The following ZFR variants were observed in gnomAD, a reference collection of about 807,000 sequenced individuals.
ZFR encodes the protein zinc finger RNA binding protein.
A neutral mutation model predicts 130.7 loss-of-function variants in ZFR; 19 were observed. The observed-to-expected ratio is 0.15, with a 90% confidence interval of 0.10 to 0.21. ZFR has a LOEUF of 0.21. Among genes scored for constraint, ZFR ranks in the 10% least tolerant of loss-of-function variants. ZFR has a pLI of 1.00. For synonymous variants in ZFR, 466 were observed against 456.9 expected (o/e 1.02, Z -0.25); for missense variants, 872 against 1,321.5 (o/e 0.66, Z 5.27).
At chr5:32,408,104 C>T (rs1007927528) in intron 5 of ZFR, among the ~76,000 whole-genome samples, 9 of 152,048 alleles carry the variant, frequency 5.9e-5, no homozygotes, top group Non-Finnish European at 1.3e-4. Flanking sequence ...ATTAGTTTTA[C>T]ACTACCTATG....
At chr5:32,426,491 A>G (rs555931166) in intron 2 of ZFR, among the ~76,000 whole-genome samples, 17 of 152,236 alleles carry the variant, frequency 1.1e-4, no homozygotes, top group Non-Finnish European at 2.1e-4. Context: ...ACTCGATGAC[A>G]CACTGAAAGC....
At chr5:32,436,028 C>A (rs1271521975) in intron 2 of ZFR, among the ~76,000 whole-genome samples, 1 of 152,056 alleles carries the variant, frequency 6.6e-6, no homozygotes, top group Non-Finnish European at 1.5e-5. Flanking sequence ...AAGCTGACGA[C>A]CTTGCTATCA....
intron 15 of ZFR, among the ~76,000 whole-genome samples, chr5:32,380,749 A>C (rs1168392841): frequency 6.7e-6 from 1 of 148,356 alleles, no homozygotes. Context: ...CCTGGGTTCA[A>C]GCGATTCTCC....
chr5:32,444,462 C>T, intron 1 of ZFR, 134 bp from the exon 2 acceptor site: 1 of 1,284,568 alleles, frequency 7.8e-7, no homozygotes. Context: ...GCCGCGGCCG[C>T]GCCGCCTCCC....
chr5:32,370,329 GAGAGAGAGAGAGAGAGAGAGAGAGAC>G (rs200038127), intron 17 of ZFR, among the ~76,000 whole-genome samples: 58,393 of 110,816 alleles, frequency 0.53, 11,493 homozygotes, highest in East Asian at 0.57. Flanking sequence ...GAGAGAGAGA[GAGAGAGAGAGAGAGAGAGAGAGAGAC>G]AGACAGACAG....
At chr5:32,370,353 G>GAGAGAGAC (rs1445533251) in intron 17 of ZFR, among the ~76,000 whole-genome samples, 19 of 1,380 alleles carry the variant, frequency 0.014, no homozygotes, top group East Asian at 0.12. Flanking sequence ...GAGAGAGAGA[G>GAGAGAGAC]ACAGACAGAC....
rs869249272 is a variant in ZFR at position 32,438,253 on chromosome 5, A to ATTTTTTTTTTTTTTT, written c.137+5961_137+5975dup. 3.3e-3 allele frequency among the ~76,000 whole-genome samples: 203 copies of ATTTTTTTTTTTTTTT among 61,042 alleles called. 29 individuals are homozygous for ATTTTTTTTTTTTTTT. Among genetic ancestry groups the ATTTTTTTTTTTTTTT allele is most frequent in the Middle Eastern group, 9.6e-3 (1 of 104 alleles). 40.0% of individuals were successfully genotyped at this position (61,042 alleles called of 152,430 possible). A position where few individuals can be genotyped will look rare whatever the true frequency, so the allele number is the denominator to read the frequency against. The stretch of plus-strand genomic sequence containing the variant: ...AGAATGCTACTGATTTTATCTGAAA[A>ATTTTTTTTTTTTTTT]TTTTTTTTTTTTTTTTTTTTTTTTT... On this transcript the variant is annotated intron_variant, in intron 2 of 19. Coordinates refer to ENST00000265069, the MANE Select transcript of ZFR (RefSeq NM_016107.5).
At chr5:32,406,685 T>C (rs982353844) in intron 6 of ZFR, 89 bp downstream of exon 6, 78 of 1,453,188 alleles carry the variant, frequency 5.4e-5, no homozygotes, top group Non-Finnish European at 7.1e-5. Context: ...GGAAAAAATG[T>C]AAACCTCTTT....
In ZFR at chr5:32,401,894, G is replaced by A. The variant is rs142994759; in HGVS notation, c.1516+1212C>T. On this transcript the variant is annotated intron_variant, in intron 8 of 19. Coordinates refer to ENST00000265069, the MANE Select transcript of ZFR (RefSeq NM_016107.5). ...AAACAAGACTAGGTAAACAGCTGGA[G>A]AAGGCAATAAAAACAAAGAAATAAT... Among the ~76,000 whole-genome samples the A allele has an allele frequency of 5.1e-4, 78 of 152,306 alleles. 2 individuals carry two copies. In the East Asian group the frequency reaches 0.014, roughly 28 times the overall value.
At chr5:32,388,287 G>A (rs1753082343) in intron 13 of ZFR, among the ~76,000 whole-genome samples, 182 bp downstream of exon 13, 1 of 152,150 alleles carries the variant, frequency 6.6e-6, no homozygotes, top group Admixed American at 6.5e-5. Context: ...ACATGTGTCC[G>A]TGGAACTTGT....
At chr5:32,380,948 C>A (rs1752923361) in intron 15 of ZFR, among the ~76,000 whole-genome samples, 1 of 152,004 alleles carries the variant, frequency 6.6e-6, no homozygotes, top group South Asian at 2.1e-4. Context: ...CTGCGCCCGG[C>A]CCAAAACAGG....
chr5:32,415,513 TGTGCGC>T (rs1420828971), intron 4 of ZFR, among the ~76,000 whole-genome samples: 209 of 92,298 alleles, frequency 2.3e-3, no homozygotes, highest in African/African-American at 0.011. Flanking sequence ...TGTGTGTGTG[TGTGCGC>T]GCGCGCGCGC....
intron 2 of ZFR, among the ~76,000 whole-genome samples, chr5:32,442,643 A>C (rs1215170827): frequency 1.3e-5 from 2 of 152,230 alleles, no homozygotes; most frequent in Non-Finnish European, 2.9e-5. Flanking sequence ...AGTAAAATCT[A>C]GTTTCACCAA....
At chr5:32,404,808 C>T (rs1371005263) in intron 6 of ZFR, among the ~76,000 whole-genome samples, 1 of 152,028 alleles carries the variant, frequency 6.6e-6, no homozygotes, top group East Asian at 1.9e-4. Context: ...TGAGTAGGAC[C>T]AAATGGTTCC....
chr5:32,381,738 C>T (rs1030055481), intron 15 of ZFR, among the ~76,000 whole-genome samples: 37 of 151,980 alleles, frequency 2.4e-4, no homozygotes, highest in African/African-American at 8.2e-4. Context: ...TTTTTTACTC[C>T]TCGAGTAATC....
intron 5 of ZFR, among the ~76,000 whole-genome samples, chr5:32,409,178 T>C (rs1190564639): frequency 2.0e-5 from 3 of 152,194 alleles, no homozygotes; most frequent in South Asian, 4.1e-4. Context: ...AATAAGGAAA[T>C]TTAACTGAAA....
intron 5 of ZFR, among the ~76,000 whole-genome samples, chr5:32,411,581 T>C (rs1753709512): frequency 6.7e-6 from 1 of 149,564 alleles, no homozygotes; most frequent in African/African-American, 2.5e-5. Flanking sequence ...CCCAGCTACT[T>C]GGGAGGCTGA....
rs113441764 is a variant in ZFR at position 32,436,892 on chromosome 5, G to A, written c.137+7337C>T. Among the ~76,000 whole-genome samples the A allele has an allele frequency of 5.3e-3, 810 of 152,200 alleles. 6 individuals carry two copies. Among genetic ancestry groups the A allele is most frequent in the African/African-American group, 0.019 (784 of 41,522 alleles). ...AAGTGCAAGTTACACAGGTACACTCGGTTTATGACATTTCATTTTCTCTTA... is the reference window on the plus strand; with the variant it reads ...AAGTGCAAGTTACACAGGTACACTCAGTTTATGACATTTCATTTTCTCTTA... On this transcript the variant is annotated intron_variant, in intron 2 of 19. Coordinates refer to ENST00000265069, the MANE Select transcript of ZFR (RefSeq NM_016107.5).
chr5:32,370,022 G>A (rs1581680965), intron 17 of ZFR, among the ~76,000 whole-genome samples: 1 of 150,546 alleles, frequency 6.6e-6, no homozygotes, highest in Non-Finnish European at 1.5e-5. Context: ...CACACAACAT[G>A]TGACCTTTTG....
Sources: allele counts gnomAD v4.1 joint callset (sites outside exome capture counted in the v4.1 genomes callset), GRCh38; gene constraint gnomAD v4.1.1; transcripts MANE v1.5; gene names NCBI Gene and HGNC (gene_info 2026-07-23, HGNC 2026-07-21).